Variants in ATG5 observed in about 807,000 individuals in gnomAD.
ATG5 encodes autophagy protein 5.
ATG5 carries 14 observed loss-of-function variants against 36.5 expected under a neutral mutation model. The observed-to-expected ratio is 0.38, with a 90% CI of 0.25 to 0.60. The LOEUF (loss-of-function observed/expected upper bound fraction) is 0.60, where lower values mean the gene tolerates loss of function less well. Ranked by LOEUF, ATG5 falls within the 20% of genes least tolerant of loss-of-function variation. The probability of loss-of-function intolerance (pLI) is 0.60; values close to 1 mark genes in which losing one functional copy is unlikely to be tolerated. For synonymous variants in ATG5, 95 were observed against 101.5 expected (o/e 0.94, Z 0.38); for missense variants, 195 against 326.7 (o/e 0.60, Z 3.11).
intron 4 of ATG5, among the ~76,000 whole-genome samples, chr6:106,285,936 C>G (rs1159159982): frequency 2.0e-5 from 3 of 152,226 alleles, no homozygotes; most frequent in Non-Finnish European, 4.4e-5. Flanking sequence ...AAAATCATGG[C>G]CTTTCTGGCA....
intron 6 of ATG5, among the ~76,000 whole-genome samples, chr6:106,244,346 C>A (rs1778248815): frequency 6.6e-6 from 1 of 152,114 alleles, no homozygotes; most frequent in African/African-American, 2.4e-5. Flanking sequence ...CTCTTAAGAT[C>A]TCCCATTCTT....
intron 2 of ATG5, among the ~76,000 whole-genome samples, chr6:106,313,121 G>A (rs551841649): frequency 6.6e-6 from 1 of 152,318 alleles, no homozygotes; most frequent in Admixed American, 6.5e-5. Context: ...CCAGCTTCCT[G>A]AGAAGGCAGA....
intron 7 of ATG5, among the ~76,000 whole-genome samples, chr6:106,201,275 ATGTGTGTG>A (rs138478446): frequency 2.5e-4 from 38 of 149,318 alleles, no homozygotes; most frequent in East Asian, 9.9e-4. Context: ...TCAAGTGTAT[ATGTGTGTG>A]TGTGTGTGTG....
At chr6:106,290,389 T>C (rs1156976673) in intron 4 of ATG5, among the ~76,000 whole-genome samples, 1 of 151,996 alleles carries the variant, frequency 6.6e-6, no homozygotes, top group Admixed American at 6.6e-5. Flanking sequence ...TGTCTGATCA[T>C]GGCTCACTCC....
At chr6:106,316,722 C>T (rs1287775669) in intron 1 of ATG5, among the ~76,000 whole-genome samples, 2 of 152,180 alleles carry the variant, frequency 1.3e-5, no homozygotes, top group Non-Finnish European at 2.9e-5. Flanking sequence ...TCCTGCAAAA[C>T]TACTCTCCCA....
chr6:106,300,708 A>AAG (rs1271925024), intron 3 of ATG5, among the ~76,000 whole-genome samples: 1 of 152,112 alleles, frequency 6.6e-6, no homozygotes. Context: ...ACACAATGAT[A>AAG]AGTATGTATG....
chr6:106,255,577 T>C (rs927283802), intron 5 of ATG5, among the ~76,000 whole-genome samples: 13 of 152,210 alleles, frequency 8.5e-5, no homozygotes, highest in East Asian at 1.9e-4. Flanking sequence ...TCCCAGTAAC[T>C]GCCTTCATTT....
intron 2 of ATG5, among the ~76,000 whole-genome samples, chr6:106,314,001 A>G (rs1374300661): frequency 1.3e-5 from 2 of 152,212 alleles, no homozygotes; most frequent in Admixed American, 6.5e-5. Context: ...TCATGACTGT[A>G]TAAGAGGTTT....
intron 6 of ATG5, among the ~76,000 whole-genome samples, chr6:106,246,053 A>C (rs1392285323): frequency 6.6e-6 from 1 of 152,202 alleles, no homozygotes; most frequent in Non-Finnish European, 1.5e-5. Context: ...TGGACTCCTT[A>C]ATTTTTATAT....
intron 7 of ATG5, among the ~76,000 whole-genome samples, chr6:106,196,812 C>T (rs189139749): frequency 2.6e-4 from 29 of 110,658 alleles, no homozygotes; most frequent in African/African-American, 7.5e-4. Flanking sequence ...TAATTTCTTC[C>T]CACTCTAGGC....
At chr6:106,258,848 A>T (rs1359561209) in intron 5 of ATG5, among the ~76,000 whole-genome samples, 1 of 152,232 alleles carries the variant, frequency 6.6e-6, no homozygotes, top group East Asian at 1.9e-4. Flanking sequence ...CATCTGGTAT[A>T]GTAATTCAAC....
intron 6 of ATG5, among the ~76,000 whole-genome samples, chr6:106,216,147 T>C (rs1033360868): frequency 2.0e-5 from 3 of 152,122 alleles, no homozygotes; most frequent in Non-Finnish European, 4.4e-5. Context: ...ACACTGATGG[T>C]AGAAATGTAA....
Position 106,279,834 on chromosome 6 carries a change from A to G in ATG5, c.316-11T>C, listed in dbSNP as rs756947085. 4 of 1,468,046 alleles carry G rather than the reference A, an allele frequency of 2.7e-6. No homozygotes were observed. The highest frequency in any genetic ancestry group is 3.6e-6 in the Non-Finnish European group (4 of 1,099,196). The allele number at this position is 1,468,046 out of a possible 1,614,324, so 90.9% of individuals were successfully genotyped here. A position where few individuals can be genotyped will look rare whatever the true frequency, so the allele number is the denominator to read the frequency against. Reference sequence around the variant, plus strand: ...TTTTTCTGGAAAACTCTATCAAAGGAAAAAATATACATATAAAACAGGATA... The same window carrying G: ...TTTTTCTGGAAAACTCTATCAAAGGGAAAAATATACATATAAAACAGGATA... On this transcript the variant is annotated splice_polypyrimidine_tract_variant and intron_variant, in intron 4 of 7. Coordinates refer to ENST00000369076, the MANE Select transcript of ATG5 (RefSeq NM_004849.4).
At chr6:106,224,246 A>G (rs1208188885) in intron 6 of ATG5, among the ~76,000 whole-genome samples, 1 of 152,228 alleles carries the variant, frequency 6.6e-6, no homozygotes, top group African/African-American at 2.4e-5. Flanking sequence ...CATCAAATTA[A>G]TATCAGTATA....
intron 3 of ATG5, among the ~76,000 whole-genome samples, chr6:106,293,555 C>T (rs570259217): frequency 1.3e-5 from 2 of 152,132 alleles, no homozygotes; most frequent in South Asian, 4.1e-4. Flanking sequence ...TGGTTATTAC[C>T]ATTAACATTA....
At chr6:106,313,200 TA>T (rs1301985249) in intron 2 of ATG5, among the ~76,000 whole-genome samples, 8 of 152,024 alleles carry the variant, frequency 5.3e-5, no homozygotes, top group Admixed American at 2.0e-4. Flanking sequence ...GAAAGAGAAG[TA>T]AATGTGTGGG....
intron 7 of ATG5, among the ~76,000 whole-genome samples, chr6:106,188,097 T>A (rs1454868982): frequency 2.6e-5 from 4 of 152,178 alleles, no homozygotes; most frequent in Non-Finnish European, 5.9e-5. Flanking sequence ...AATATAATGA[T>A]TTGTTTTCAT....
chr6:106,278,790 G>A (rs1779759153), intron 5 of ATG5, among the ~76,000 whole-genome samples: 1 of 152,088 alleles, frequency 6.6e-6, no homozygotes, highest in Non-Finnish European at 1.5e-5. Context: ...TATGTGCTTT[G>A]CTATCTGTGG....
chr6:106,213,938 T>G (rs1009552684), intron 6 of ATG5, among the ~76,000 whole-genome samples: 1 of 152,184 alleles, frequency 6.6e-6, no homozygotes, highest in Non-Finnish European at 1.5e-5. Context: ...TATTTAGTTG[T>G]TACAGAACCC....
Sources: gnomAD v4.1 joint callset for allele counts (sites outside exome capture counted in the v4.1 genomes callset) on GRCh38, gnomAD v4.1.1 for gene constraint, MANE v1.5 for transcripts, NCBI Gene and HGNC (gene_info 2026-07-23, HGNC 2026-07-21) for gene names.